The following PDE5A variants were observed in gnomAD, a reference collection of about 807,000 sequenced individuals.
PDE5A encodes cGMP-specific 3',5'-cyclic phosphodiesterase.
PDE5A carries 67 observed loss-of-function variants against 110.2 expected under a neutral mutation model. The ratio of observed to expected loss-of-function variants is 0.61; its 90% confidence interval spans 0.50 to 0.75. The LOEUF (loss-of-function observed/expected upper bound fraction) is 0.75. PDE5A is among the 30% of genes least tolerant of loss of function. The probability of loss-of-function intolerance (pLI) is 0.00; values close to 1 mark genes in which losing one functional copy is unlikely to be tolerated. For missense variants in PDE5A, 862 were observed against 1,045.1 expected (o/e 0.82, Z 2.42); for synonymous variants, 328 against 351.2 (o/e 0.93, Z 0.74).
chr4:119,587,089 G>A (rs1191184768), intron 3 of PDE5A, among the ~76,000 whole-genome samples: 2 of 152,138 alleles, frequency 1.3e-5, no homozygotes, highest in African/African-American at 4.8e-5. Context: ...TGTGCAGAAG[G>A]AAAAAGAAAG....
intron 2 of PDE5A, among the ~76,000 whole-genome samples, chr4:119,605,102 A>T (rs1161462512): frequency 1.3e-5 from 2 of 152,124 alleles, no homozygotes; most frequent in African/African-American, 4.8e-5. Flanking sequence ...CCCCTTTCAA[A>T]ACATCTTCAG....
intron 3 of PDE5A, among the ~76,000 whole-genome samples, chr4:119,570,004 C>A (rs1287971118): frequency 6.6e-6 from 1 of 152,138 alleles, no homozygotes; most frequent in Non-Finnish European, 1.5e-5. Context: ...AACTGTATAT[C>A]TAACATGTAT....
chr4:119,542,571 T>C lies in PDE5A; in HGVS notation c.1460A>G (p.Asn487Ser), dbSNP rs201438950. 65 of 1,613,940 alleles carry C rather than the reference T, an allele frequency of 4.0e-5. No homozygotes were observed. The highest frequency in any genetic ancestry group is 2.7e-4 in the South Asian group (25 of 91,078). ...AAAAGCTTCCAGAAACTGTTCGTCA[T>C]TTCGGTTGAAAGGCTTAACCTTGCC... ...NTGKVKPFNR[N>S]DEQFLEAFVI... Residue 487 changes from asparagine (N) to serine (S), a missense_variant, in exon 10 of 21, where the codon AAT becomes AGT. Asn to Ser is a conservative substitution (Grantham distance 46). Coordinates refer to ENST00000354960, the MANE Select transcript of PDE5A (RefSeq NM_001083.4).
At chr4:119,592,930 C>T (rs977298570) in intron 3 of PDE5A, among the ~76,000 whole-genome samples, 1 of 152,084 alleles carries the variant, frequency 6.6e-6, no homozygotes, top group African/African-American at 2.4e-5. Flanking sequence ...GAGCTTCGGG[C>T]TATTTGGGGA....
chr4:119,597,304 GT>G (rs33944872), intron 2 of PDE5A, among the ~76,000 whole-genome samples: 69,357 of 144,804 alleles, frequency 0.48, 16,321 homozygotes, highest in Non-Finnish European at 0.53. Flanking sequence ...CTCTGTGAGG[GT>G]TTTTTTTTTT....
In PDE5A at chr4:119,628,648, G is replaced by A; in HGVS notation, c.24C>T (p.Phe8=). Reference sequence around the variant, plus strand: ...GCTGCTGCTGCTGTCGCTGCTGCCCGAAGCTGGGGCCGGCCCGCTCCATGG... The same window carrying A: ...GCTGCTGCTGCTGTCGCTGCTGCCCAAAGCTGGGGCCGGCCCGCTCCATGG... MERAGPS[F]GQQRQQQQPQ... Residue 8 remains phenylalanine, a synonymous_variant, in exon 1 of 21, where the codon TTC becomes TTT. Transcript: ENST00000354960. 5 of 1,613,568 alleles carry A rather than the reference G, an allele frequency of 3.1e-6. No homozygotes were observed. The highest frequency in any genetic ancestry group is 2.2e-5 in the South Asian group (2 of 91,066).
chr4:119,533,036 A>G (rs12502389), intron 11 of PDE5A, among the ~76,000 whole-genome samples: 39,947 of 152,080 alleles, frequency 0.26, 5,384 homozygotes, highest in East Asian at 0.38. Context: ...GAATGGCAGT[A>G]ATGGAACTTG....
At chr4:119,580,032 C>T (rs999517834) in intron 3 of PDE5A, among the ~76,000 whole-genome samples, 15 of 152,172 alleles carry the variant, frequency 9.9e-5, no homozygotes, top group African/African-American at 3.6e-4. Context: ...CGTCGCTCCC[C>T]AGACGGGGCC....
At chr4:119,500,603 A>AAAG (rs1725274106) in intron 20 of PDE5A, among the ~76,000 whole-genome samples, 1 of 152,140 alleles carries the variant, frequency 6.6e-6, no homozygotes, top group South Asian at 2.1e-4. Flanking sequence ...CTTCAAAGAC[A>AAAG]AAGACAACTT....
rs1280181152 is a variant in PDE5A, at chr4:119,494,498, C to A, written c.*4103G>T. The A allele has an allele frequency of 5.9e-5, 9 of 152,614 alleles. No individual in the cohort carries two copies. Among genetic ancestry groups the A allele is most frequent in the Non-Finnish European group, 2.9e-5 (2 of 68,026 alleles). The allele number at this position is 152,614 out of a possible 1,614,324, so 9.5% of individuals were successfully genotyped here. On this transcript the variant is annotated 3_prime_UTR_variant, in exon 21 of 21. Coordinates refer to ENST00000354960, the MANE Select transcript of PDE5A (RefSeq NM_001083.4). ...CACAATGGAAAACCACCTTGACCAT[C>A]TCATGACTTTATACAGGAATCGGAG... is the stretch of plus-strand genomic sequence containing the variant.
At chr4:119,613,745 C>CA (rs1335259836) in intron 1 of PDE5A, among the ~76,000 whole-genome samples, 1 of 151,420 alleles carries the variant, frequency 6.6e-6, no homozygotes, top group Non-Finnish European at 1.5e-5. Context: ...AAAATATTCA[C>CA]ATTAGTGCTA....
intron 1 of PDE5A, among the ~76,000 whole-genome samples, chr4:119,625,672 T>G (rs1730320362): frequency 6.6e-6 from 1 of 152,114 alleles, no homozygotes; most frequent in African/African-American, 2.4e-5. Context: ...CAATATTCAT[T>G]TTACACTTAC....
At chr4:119,529,615 T>G (rs1453960363) in intron 11 of PDE5A, among the ~76,000 whole-genome samples, 1 of 152,184 alleles carries the variant, frequency 6.6e-6, no homozygotes, top group African/African-American at 2.4e-5. Flanking sequence ...CTCTGGCCTA[T>G]GTATGTAGAA....
At chr4:119,616,518 T>C (rs181054852) in intron 1 of PDE5A, among the ~76,000 whole-genome samples, 1 of 152,242 alleles carries the variant, frequency 6.6e-6, no homozygotes, top group Non-Finnish European at 1.5e-5. Context: ...AATATAAAAA[T>C]CAGTGTCATT....
At position 119,538,973 on chromosome 4, in the gene PDE5A, A is replaced by G; in HGVS notation, c.1619T>C (p.Leu540Pro). The G allele has an allele frequency of 6.2e-7, 1 of 1,612,334 alleles. No homozygotes were observed. Among genetic ancestry groups the G allele is most frequent in the Non-Finnish European group, 8.5e-7 (1 of 1,178,554 alleles). The change falls in exon 11 of 21, where the codon CTA (leucine) becomes CCA (proline). Residue 540 changes from leucine to proline, a missense_variant. Coordinates refer to ENST00000354960, the MANE Select transcript of PDE5A (RefSeq NM_001083.4). ...GAGGATAATTACCGCTAACGACTGT[A>G]GCTCTCTTGTTTCTTCCTCTGCTGC... Reference protein sequence around the residue: ...ASAAEEETRELQSLAAAVVPS... With the variant: ...ASAAEEETREPQSLAAAVVPS...
At chr4:119,566,323 G>A (rs80327561) in intron 4 of PDE5A, among the ~76,000 whole-genome samples, 6,234 of 152,176 alleles carry the variant, frequency 0.041, 177 homozygotes, top group Middle Eastern at 0.085. Flanking sequence ...AAATTCAAAA[G>A]CTCCTAGTAA....
In PDE5A at chr4:119,596,674, C is replaced by T. The variant is rs555111081; in HGVS notation, c.742-62G>A. 59 of 965,678 alleles carry T rather than the reference C, an allele frequency of 6.1e-5. No homozygotes were observed. The African/African-American group carries it at 9.1e-4, about 15-fold the overall frequency. The allele number at this position is 965,678 out of a possible 1,614,324, so 59.8% of individuals were successfully genotyped here. On this transcript the variant is annotated intron_variant, in intron 2 of 20. Transcript: ENST00000354960. ...CTGTTCAAAGATTGATTTGATTTTT[C>T]TGATTTATTAGATTAGAGAAATCTA...
rs1383491729 is a variant in PDE5A at position 119,497,935 on chromosome 4, C to T, written c.*666G>A. The T allele has an allele frequency of 6.6e-6, 1 of 152,166 alleles. No individual in the cohort carries two copies. Among genetic ancestry groups the T allele is most frequent in the Non-Finnish European group, 1.5e-5 (1 of 68,032 alleles). 9.4% of individuals were successfully genotyped at this position (152,166 alleles called of 1,614,324 possible). Reference sequence around the variant, plus strand: ...GAGATGAAAGTGATTTTATGGGTAGCTTTCAGAAAAATGTACTGCACTGAA... The same window carrying T: ...GAGATGAAAGTGATTTTATGGGTAGTTTTCAGAAAAATGTACTGCACTGAA... On this transcript the variant is annotated 3_prime_UTR_variant, in exon 21 of 21. Coordinates refer to ENST00000354960, the MANE Select transcript of PDE5A (RefSeq NM_001083.4).
intron 1 of PDE5A, among the ~76,000 whole-genome samples, chr4:119,608,653 C>T (rs1306568495): frequency 6.6e-6 from 1 of 152,154 alleles, no homozygotes; most frequent in Non-Finnish European, 1.5e-5. Flanking sequence ...CTTTAGAAAA[C>T]TCAAACTTAC....
Sources: allele counts gnomAD v4.1 joint callset (sites outside exome capture counted in the v4.1 genomes callset), GRCh38; gene constraint gnomAD v4.1.1; transcripts MANE v1.5; gene names NCBI Gene and HGNC (gene_info 2026-07-23, HGNC 2026-07-21).